SAMD5: variants seen among roughly 807,000 people sequenced by gnomAD.
The protein encoded by SAMD5 is sterile alpha motif domain containing 5.
SAMD5 carries 13 observed loss-of-function variants against 11.3 expected under a neutral mutation model. The observed-to-expected ratio is 1.15, with a 90% CI of 0.75 to 1.83. The LOEUF (loss-of-function observed/expected upper bound fraction) is 1.83, where lower values mean the gene tolerates loss of function less well. SAMD5 is among the 40% of genes most tolerant of loss of function. The pLI is 0.00. For synonymous variants in SAMD5, 129 were observed against 111.3 expected (o/e 1.16, Z -1.00); for missense variants, 255 against 239.1 (o/e 1.07, Z -0.44).
At chr6:147,919,285 A>C in the SAMD5 span, among the ~76,000 whole-genome samples, 2 of 152,244 alleles carry the variant, frequency 1.3e-5, no homozygotes, top group Non-Finnish European at 2.9e-5. Flanking sequence ...GAACCAGGCT[A>C]CCACCATGTT....
the SAMD5 span, among the ~76,000 whole-genome samples, chr6:147,804,274 A>AT: frequency 2.1e-3 from 315 of 150,338 alleles, no homozygotes; most frequent in African/African-American, 7.3e-3. Context: ...CACCCAGCTA[A>AT]TTTTTTTTTG....
At chr6:147,595,723 C>T (rs1408911619) in intron 1 of SAMD5, among the ~76,000 whole-genome samples, 3 of 151,908 alleles carry the variant, frequency 2.0e-5, no homozygotes, top group Admixed American at 1.3e-4. Flanking sequence ...GACAGTGTTT[C>T]ACCATGTTGG....
At chr6:147,583,408 A>G (rs574367884) in intron 1 of SAMD5, among the ~76,000 whole-genome samples, 2 of 152,340 alleles carry the variant, frequency 1.3e-5, no homozygotes, top group African/African-American at 4.8e-5. Flanking sequence ...TCTAATTTTT[A>G]TTATTTAAAA....
chr6:147,793,562 C>A, the SAMD5 span, among the ~76,000 whole-genome samples: 1 of 152,214 alleles, frequency 6.6e-6, no homozygotes, highest in Middle Eastern at 3.4e-3. Flanking sequence ...TGCCAGTGTT[C>A]ATAGATCTAT....
intron 1 of SAMD5, among the ~76,000 whole-genome samples, chr6:147,535,231 TTGTG>T (rs932065940): frequency 2.6e-5 from 4 of 152,182 alleles, no homozygotes; most frequent in African/African-American, 9.7e-5. Flanking sequence ...CGCTTTGTAA[TTGTG>T]TGAGCGTGCT....
chr6:147,778,188 C>G, the SAMD5 span, among the ~76,000 whole-genome samples: 1 of 152,178 alleles, frequency 6.6e-6, no homozygotes, highest in Non-Finnish European at 1.5e-5. Context: ...TTAGTTCTAT[C>G]TTGTCTTCCA....
chr6:147,832,838 G>A, the SAMD5 span, among the ~76,000 whole-genome samples: 2 of 152,042 alleles, frequency 1.3e-5, no homozygotes, highest in Non-Finnish European at 1.5e-5. Flanking sequence ...TTTTGTAAAA[G>A]AATTTTCTCC....
At chr6:147,751,299 G>A in the SAMD5 span, among the ~76,000 whole-genome samples, 5 of 151,782 alleles carry the variant, frequency 3.3e-5, no homozygotes, top group East Asian at 1.9e-4. Flanking sequence ...TCTTTCACCC[G>A]TTTAACATGT....
the SAMD5 span, among the ~76,000 whole-genome samples, chr6:147,786,230 C>T: frequency 6.6e-6 from 1 of 152,196 alleles, no homozygotes; most frequent in African/African-American, 2.4e-5. Flanking sequence ...ACCTTTATAT[C>T]AACTAAAATG....
At chr6:147,615,591 TGAAAATTATTTCATTCATGGTTGC>T (rs1211021946) in intron 1 of SAMD5, among the ~76,000 whole-genome samples, 1 of 152,228 alleles carries the variant, frequency 6.6e-6, no homozygotes, top group East Asian at 1.9e-4. Context: ...AATGAATGAA[TGAAAATTATTTCATTCATGGTTGC>T]GAACTCATTT....
chr6:147,933,652 C>T, the SAMD5 span, among the ~76,000 whole-genome samples: 41 of 148,196 alleles, frequency 2.8e-4, no homozygotes, highest in Non-Finnish European at 5.3e-4. Flanking sequence ...ATCTAAAATT[C>T]TGTGACATCT....
the SAMD5 span, among the ~76,000 whole-genome samples, chr6:147,938,699 T>A: frequency 6.6e-6 from 1 of 152,162 alleles, no homozygotes; most frequent in Admixed American, 6.5e-5. Context: ...TTTCTTTTAG[T>A]ATTAGAGTTG....
chr6:147,713,167 A>G (rs1359258283), intron 1 of SAMD5, among the ~76,000 whole-genome samples: 2 of 152,214 alleles, frequency 1.3e-5, no homozygotes, highest in Non-Finnish European at 2.9e-5. Flanking sequence ...AAACTCTGCT[A>G]TCCTTGGTCT....
chr6:147,754,347 C>CTTTTTT, the SAMD5 span, among the ~76,000 whole-genome samples: 2 of 130,684 alleles, frequency 1.5e-5, no homozygotes, highest in South Asian at 2.4e-4. Flanking sequence ...ATTTGTATGT[C>CTTTTTT]TTTTTTTTTT....
At chr6:147,683,480 A>G (rs1306886297) in intron 1 of SAMD5, among the ~76,000 whole-genome samples, 2 of 152,234 alleles carry the variant, frequency 1.3e-5, no homozygotes, top group African/African-American at 2.4e-5. Context: ...AATATATTAC[A>G]TGGGTATTTT....
chr6:147,918,187 A>G, the SAMD5 span, among the ~76,000 whole-genome samples: 1 of 152,150 alleles, frequency 6.6e-6, no homozygotes, highest in Non-Finnish European at 1.5e-5. Flanking sequence ...GATTCTTCCT[A>G]ACCATGAGCA....
intron 1 of SAMD5, among the ~76,000 whole-genome samples, chr6:147,623,390 A>G (rs1382109657): frequency 5.3e-5 from 8 of 152,256 alleles, no homozygotes; most frequent in Admixed American, 3.9e-4. Context: ...CTACTTGATT[A>G]TCAAAGGACT....
chr6:147,604,379 T>C (rs926315439), intron 1 of SAMD5, among the ~76,000 whole-genome samples: 3 of 152,196 alleles, frequency 2.0e-5, no homozygotes, highest in African/African-American at 7.2e-5. Context: ...CCGGTTGGAA[T>C]GAGCTTTGAG....
At chr6:147,538,203 G>A (rs1788543685) in intron 1 of SAMD5, among the ~76,000 whole-genome samples, 1 of 152,118 alleles carries the variant, frequency 6.6e-6, no homozygotes, top group Admixed American at 6.5e-5. Flanking sequence ...ATGGAAAAAA[G>A]CTAAATAATT....
Sources: gnomAD v4.1 joint callset for allele counts (sites outside exome capture counted in the v4.1 genomes callset) on GRCh38, gnomAD v4.1.1 for gene constraint, MANE v1.5 for transcripts, NCBI Gene and HGNC (gene_info 2026-07-23, HGNC 2026-07-21) for gene names.